Variants in SFTPD observed in about 807,000 individuals in gnomAD.
The protein encoded by SFTPD is pulmonary surfactant-associated protein D.
In SFTPD, 18 loss-of-function variants were observed where a neutral mutation model predicts 34.6. The observed-to-expected ratio is 0.52, with a 90% CI of 0.36 to 0.77. SFTPD has a LOEUF of 0.77. Among genes scored for constraint, SFTPD ranks in the 30% least tolerant of loss-of-function variants. The pLI is 0.00. For synonymous variants in SFTPD, 155 were observed against 180.9 expected (o/e 0.86, Z 1.15); for missense variants, 433 against 468.9 (o/e 0.92, Z 0.71).
At chr10:79,942,938 C>T in intron 2 of SFTPD, 59 bp from the exon 3 acceptor site, 1 of 1,058,520 alleles carries the variant, frequency 9.4e-7, no homozygotes, top group Non-Finnish European at 1.5e-6. Flanking sequence ...GGGCCAGCCT[C>T]CTGCAGGATC....
intron 7 of SFTPD, 63 bp downstream of exon 7, chr10:79,940,642 G>A: frequency 1.8e-6 from 2 of 1,110,954 alleles, no homozygotes. Context: ...GCCAAACCAA[G>A]GTCAAGATCT....
chr10:79,943,920 G>C (rs1272454112), intron 2 of SFTPD, among the ~76,000 whole-genome samples: 1 of 152,224 alleles, frequency 6.6e-6, no homozygotes, highest in South Asian at 2.1e-4. Context: ...GATGGACCAA[G>C]AGAAAAATGT....
chr10:79,960,658 A>C (rs1438123432), intron 1 of SFTPD, among the ~76,000 whole-genome samples: 1 of 151,812 alleles, frequency 6.6e-6, no homozygotes, highest in Admixed American at 6.6e-5. Flanking sequence ...ATACAAACAA[A>C]TGGAAGAACA....
upstream of SFTPD, among the ~76,000 whole-genome samples, chr10:79,951,975 A>G (rs950225996): frequency 2.0e-5 from 3 of 152,196 alleles, no homozygotes; most frequent in Non-Finnish European, 4.4e-5. Flanking sequence ...ACATCCTGGG[A>G]AGGCAGGAAG....
chr10:79,968,025 CAGAA>C lies in SFTPD; in HGVS notation c.36+14546_36+14549del, dbSNP rs1385321368. Among the ~76,000 whole-genome samples the C allele has an allele frequency of 9.4e-5, 13 of 138,630 alleles. No individual in the cohort carries two copies. The East Asian group carries it at 1.4e-3, about 15-fold the overall frequency. 90.9% of individuals were successfully genotyped at this position (138,630 alleles called of 152,430 possible). On this transcript the variant is annotated intron_variant, in intron 1 of 5. Coordinates refer to the SFTPD transcript ENST00000444384. ...AGGTGAAATAAACAGCCTTATTGCT[CAGAA>C]AAAAAAAAAAAAGTTATTGATACAT... is the stretch of plus-strand genomic sequence containing the variant.
chr10:79,944,206 A>G (rs551846102), intron 2 of SFTPD, among the ~76,000 whole-genome samples: 1 of 152,356 alleles, frequency 6.6e-6, no homozygotes, highest in Admixed American at 6.5e-5. Context: ...ATATCTCTGG[A>G]GCCTCTAATA....
At chr10:79,962,497 T>G (rs1453022829) in intron 1 of SFTPD, among the ~76,000 whole-genome samples, 1 of 152,082 alleles carries the variant, frequency 6.6e-6, no homozygotes, top group Non-Finnish European at 1.5e-5. Context: ...TGCATCCTAT[T>G]TTTTCCTTAT....
At chr10:79,956,992 C>T (rs1332653103) in intron 1 of SFTPD, among the ~76,000 whole-genome samples, 1 of 144,498 alleles carries the variant, frequency 6.9e-6, no homozygotes, top group African/African-American at 2.6e-5. Context: ...TTGCGGTTCA[C>T]CAAGATCCGC....
Position 79,946,532 on chromosome 10 carries a change from A to T in SFTPD, c.128T>A (p.Val43Glu), listed in dbSNP as rs138521130. 116 of 1,613,982 alleles carry T rather than the reference A, an allele frequency of 7.2e-5. No individual in the cohort carries two copies. In the African/African-American group the frequency reaches 1.4e-3, roughly 20 times the overall value. The change falls in exon 2 of 8, where the codon GTG (valine) becomes GAG (glutamate). Residue 43 changes from valine (V) to glutamate (E), a missense_variant. Coordinates refer to ENST00000372292, the MANE Select transcript of SFTPD (RefSeq NM_003019.5). ...ATCGCGACCAGGCAGGCCACTCTCC[A>T]CTGAGCTACACATGACCAGGGTGCA... ...SACTLVMCSS[V>E]ESGLPGRDGR...
chr10:79,962,150 T>A (rs1271116424), intron 1 of SFTPD, among the ~76,000 whole-genome samples: 2 of 62,068 alleles, frequency 3.2e-5, no homozygotes, highest in South Asian at 6.6e-4. Flanking sequence ...TGTTGTGGGG[T>A]GGGGGGAGGG....
At chr10:79,942,121 G>T (rs555655990) in intron 4 of SFTPD, 51 bp from the exon 5 acceptor site, 3 of 1,358,664 alleles carry the variant, frequency 2.2e-6, no homozygotes, top group African/African-American at 1.4e-5. Context: ...CGTTCAGCAG[G>T]TGTGGTTTTG....
intron 1 of SFTPD, among the ~76,000 whole-genome samples, chr10:79,959,024 A>C (rs1360685541): frequency 6.6e-6 from 1 of 152,196 alleles, no homozygotes; most frequent in Admixed American, 6.5e-5. Context: ...GGAAATTGAA[A>C]AACCTGCTCC....
intron 1 of SFTPD, among the ~76,000 whole-genome samples, chr10:79,955,712 A>C (rs1842734827): frequency 6.6e-6 from 1 of 152,244 alleles, no homozygotes; most frequent in Non-Finnish European, 1.5e-5. Context: ...AAAAATGACA[A>C]AGTGAGAGTG....
intron 1 of SFTPD, among the ~76,000 whole-genome samples, chr10:79,974,255 C>T (rs1260398243): frequency 6.6e-6 from 1 of 152,106 alleles, no homozygotes; most frequent in African/African-American, 2.4e-5. Flanking sequence ...GCAAGCTCTG[C>T]CTCCTGAGTT....
rs549678727 is a variant in SFTPD at position 79,963,989 on chromosome 10, G to A, written c.37-17327C>T. Among the ~76,000 whole-genome samples the A allele has an allele frequency of 2.0e-5, 3 of 152,040 alleles. No homozygotes were observed. The South Asian group carries it at 6.2e-4, about 32-fold the overall frequency. Reference sequence around the variant, plus strand: ...CTGTTCCTCACCCTGATCATACTTGGTTTATTGATGGCAGTTCCACCAGGC... The same window carrying A: ...CTGTTCCTCACCCTGATCATACTTGATTTATTGATGGCAGTTCCACCAGGC... On this transcript the variant is annotated intron_variant, in intron 1 of 5. Transcript: ENST00000444384.
chr10:79,979,153 A>T (rs1278286829), intron 1 of SFTPD, among the ~76,000 whole-genome samples: 1 of 152,178 alleles, frequency 6.6e-6, no homozygotes, highest in Non-Finnish European at 1.5e-5. Flanking sequence ...CAGAAAATAA[A>T]AAATAAATAA....
chr10:79,965,418 G>T (rs1488123015), intron 1 of SFTPD, among the ~76,000 whole-genome samples: 1 of 151,474 alleles, frequency 6.6e-6, no homozygotes, highest in Non-Finnish European at 1.5e-5. Context: ...CCCACTCTAG[G>T]TTCCCACATC....
At chr10:79,956,975 G>C (rs1041977428) in intron 1 of SFTPD, among the ~76,000 whole-genome samples, 2 of 151,432 alleles carry the variant, frequency 1.3e-5, no homozygotes, top group African/African-American at 4.9e-5. Context: ...CGATCACGCA[G>C]CAGCATTTGC....
In SFTPD at chr10:79,939,762, C is replaced by G. The variant is rs138197480; in HGVS notation, c.751+943G>C. Among the ~76,000 whole-genome samples, 438 of 152,282 alleles carry G rather than the reference C, an allele frequency of 2.9e-3. 1 individual carries two copies. The highest frequency in any genetic ancestry group is 3.4e-3 in the Middle Eastern group (1 of 294). ...CAAACCTGTGTTGCACCCAGTCAGC[C>G]CTTTTATGCTCTACTACTTCAGAAA... is the stretch of plus-strand genomic sequence containing the variant. On this transcript the variant is annotated intron_variant, in intron 7 of 7. Coordinates refer to ENST00000372292, the MANE Select transcript of SFTPD (RefSeq NM_003019.5).
Sources: gnomAD v4.1 joint callset for allele counts (sites outside exome capture counted in the v4.1 genomes callset) on GRCh38, gnomAD v4.1.1 for gene constraint, MANE v1.5 for transcripts, NCBI Gene and HGNC (gene_info 2026-07-23, HGNC 2026-07-21) for gene names.